PDE5A: variants seen among roughly 807,000 people sequenced by gnomAD.
PDE5A encodes the protein phosphodiesterase 5A, also known as cGMP-specific 3',5'-cyclic phosphodiesterase.
In PDE5A, 67 loss-of-function variants were observed where a neutral mutation model predicts 110.2. The ratio of observed to expected loss-of-function variants is 0.61; its 90% confidence interval spans 0.50 to 0.75. The LOEUF (loss-of-function observed/expected upper bound fraction) is 0.75. Ranked by LOEUF, PDE5A falls within the 30% of genes least tolerant of loss-of-function variation. The probability of loss-of-function intolerance (pLI) is 0.00; values close to 1 mark genes in which losing one functional copy is unlikely to be tolerated. For missense variants in PDE5A, 862 were observed against 1,045.1 expected (o/e 0.82, Z 2.42); for synonymous variants, 328 against 351.2 (o/e 0.93, Z 0.74).
chr4:119,628,510 CTCT>C lies in PDE5A; in HGVS notation c.152+7_152+9del. On this transcript the variant is annotated splice_region_variant and intron_variant, in intron 1 of 20. Coordinates refer to ENST00000354960, the MANE Select transcript of PDE5A (RefSeq NM_001083.4). The stretch of plus-strand genomic sequence containing the variant: ...ATCAGCCCCGGGTCTTCCGTGGGTC[CTCT>C]TCTTACCTGGTGGCTTTTCTAACAA... The C allele has an allele frequency of 6.4e-7, 1 of 1,556,968 alleles. No homozygotes were observed. Among genetic ancestry groups the C allele is most frequent in the South Asian group, 1.2e-5 (1 of 82,234 alleles).
At chr4:119,511,232 C>A in intron 14 of PDE5A, 98 bp from the exon 15 acceptor site, 3 of 669,290 alleles carry the variant, frequency 4.5e-6, no homozygotes, top group Non-Finnish European at 7.8e-6. Flanking sequence ...AAAGAGGCTA[C>A]TTCACAAAAT....
chr4:119,613,859 T>C (rs1030131370), intron 1 of PDE5A, among the ~76,000 whole-genome samples: 9 of 152,098 alleles, frequency 5.9e-5, no homozygotes, highest in Non-Finnish European at 1.3e-4. Flanking sequence ...ACACCCATTC[T>C]ACTATTTGGT....
chr4:119,607,013 C>T lies in PDE5A; in HGVS notation c.437G>A (p.Gly146Glu). 6.2e-7 allele frequency: 1 copy of T among 1,614,168 alleles called. No homozygotes were observed. Among genetic ancestry groups the T allele is most frequent in the Non-Finnish European group, 8.5e-7 (1 of 1,180,036 alleles). ...TTCCAAGAGTCTTGAGCACTGGTCC[C>T]CTTCATCATGATCAAACCTTGGAGG... is the stretch of plus-strand genomic sequence containing the variant. ...LTPPRFDHDE[G>E]DQCSRLLELV... Residue 146 changes from glycine (G) to glutamate (E), a missense_variant, in exon 2 of 21, where the codon GGG becomes GAG. Transcript: ENST00000354960.
At chr4:119,500,585 G>A (rs1049570012) in intron 20 of PDE5A, among the ~76,000 whole-genome samples, 4 of 151,780 alleles carry the variant, frequency 2.6e-5, no homozygotes, top group Admixed American at 1.3e-4. Context: ...AAACATTTCC[G>A]TTTAAACCTT....
At chr4:119,616,924 TA>T (rs1426838113) in intron 1 of PDE5A, among the ~76,000 whole-genome samples, 1 of 152,170 alleles carries the variant, frequency 6.6e-6, no homozygotes, top group Non-Finnish European at 1.5e-5. Context: ...GTGGCACTCT[TA>T]AAATGATGGA....
rs769301807 is a variant in PDE5A, at chr4:119,628,584, C to T, written c.88G>A (p.Val30Ile). 2 of 1,613,108 alleles carry T rather than the reference C, an allele frequency of 1.2e-6. No individual in the cohort carries two copies. Among genetic ancestry groups the T allele is most frequent in the Admixed American group, 3.3e-5 (2 of 59,928 alleles). ...CAGTGATCGTCCAGCCATGCTTCGA[C>T]CGAGTCCTGATCCCTCTGCTGCTGC... ...QKQQQRDQDS[V>I]EAWLDDHWDF... The change falls in exon 1 of 21, where the codon GTC becomes ATC. Residue 30 changes from valine (V) to isoleucine (I), a missense_variant. Transcript: ENST00000354960.
chr4:119,615,963 A>G (rs1180665380), intron 1 of PDE5A, among the ~76,000 whole-genome samples: 1 of 152,176 alleles, frequency 6.6e-6, no homozygotes, highest in Non-Finnish European at 1.5e-5. Context: ...TAAGAGCCTG[A>G]GTTTTACATC....
At chr4:119,572,944 C>T (rs2110513865) in intron 3 of PDE5A, among the ~76,000 whole-genome samples, 1 of 152,272 alleles carries the variant, frequency 6.6e-6, no homozygotes, top group South Asian at 2.1e-4. Flanking sequence ...CAACCTTCTT[C>T]ATTATACTGT....
At chr4:119,531,596 T>G (rs1364758847) in intron 11 of PDE5A, among the ~76,000 whole-genome samples, 3 of 152,048 alleles carry the variant, frequency 2.0e-5, no homozygotes, top group Non-Finnish European at 4.4e-5. Context: ...AGTGTATAAT[T>G]TTTTGAGTGC....
At chr4:119,612,200 T>C (rs752127978) in intron 1 of PDE5A, among the ~76,000 whole-genome samples, 2 of 152,144 alleles carry the variant, frequency 1.3e-5, no homozygotes, top group Non-Finnish European at 2.9e-5. Flanking sequence ...GTGCCTGATG[T>C]AGTTTGGATG....
chr4:119,584,285 G>A (rs1001439503), intron 3 of PDE5A, among the ~76,000 whole-genome samples: 2 of 152,170 alleles, frequency 1.3e-5, no homozygotes, highest in African/African-American at 4.8e-5. Context: ...GAAAGGATTA[G>A]TCTGTAAAAC....
intron 3 of PDE5A, 33 bp from the exon 4 acceptor site, chr4:119,567,177 T>A (rs202238671): frequency 2.0e-6 from 3 of 1,476,958 alleles, no homozygotes; most frequent in Non-Finnish European, 2.8e-6. Flanking sequence ...ACAATTTTTT[T>A]ATTGACTGAA....
rs148723262 is a variant in PDE5A at position 119,593,580 on chromosome 4, A to C, written c.831+2943T>G. Among the ~76,000 whole-genome samples, 18 of 152,330 alleles carry C rather than the reference A, an allele frequency of 1.2e-4. No homozygotes were observed. The East Asian group carries it at 3.5e-3, about 29-fold the overall frequency. ...CAGTGCTTGTCAGGAGCTGTGGGTT[A>C]AGGGAGGAGGAGATCAACTATGAAG... On this transcript the variant is annotated intron_variant, in intron 3 of 20. Coordinates refer to ENST00000354960, the MANE Select transcript of PDE5A (RefSeq NM_001083.4).
At chr4:119,599,183 C>T (rs1052056278) in intron 2 of PDE5A, among the ~76,000 whole-genome samples, 12 of 152,106 alleles carry the variant, frequency 7.9e-5, no homozygotes, top group African/African-American at 2.9e-4. Context: ...AAGAATCTGC[C>T]AGTAATTTTA....
intron 12 of PDE5A, among the ~76,000 whole-genome samples, chr4:119,524,675 G>A (rs1726245155): frequency 6.6e-6 from 1 of 152,062 alleles, no homozygotes; most frequent in Non-Finnish European, 1.5e-5. Flanking sequence ...GCTAAATAGT[G>A]GAGGCCTTCA....
chr4:119,612,868 C>CAAT (rs1729806882), intron 1 of PDE5A, among the ~76,000 whole-genome samples: 1 of 152,184 alleles, frequency 6.6e-6, no homozygotes, highest in African/African-American at 2.4e-5. Flanking sequence ...ATTTTCTAGA[C>CAAT]ATAGACTAAA....
intron 2 of PDE5A, among the ~76,000 whole-genome samples, chr4:119,604,912 C>T (rs1353103030): frequency 6.6e-6 from 1 of 152,042 alleles, no homozygotes; most frequent in East Asian, 1.9e-4. Context: ...CATCCGAAAT[C>T]CATTCCCTCC....
chr4:119,507,030 G>T (rs1324823384), intron 16 of PDE5A, among the ~76,000 whole-genome samples: 2 of 151,856 alleles, frequency 1.3e-5, no homozygotes, highest in Non-Finnish European at 2.9e-5. Context: ...TCAAATGCAG[G>T]AAAGTATTTT....
Position 119,525,757 on chromosome 4 carries a change from G to T in PDE5A, c.1633-62C>A. The T allele has an allele frequency of 2.0e-6, 3 of 1,498,392 alleles. No individual in the cohort carries two copies. The highest frequency in any genetic ancestry group is 2.1e-5 in the Admixed American group (1 of 48,240). 92.8% of individuals were successfully genotyped at this position (1,498,392 alleles called of 1,614,324 possible). A position where few individuals can be genotyped will look rare whatever the true frequency, so the allele number is the denominator to read the frequency against. On this transcript the variant is annotated intron_variant, in intron 11 of 20. Transcript: ENST00000354960. The surrounding 1 kb of genome is among the most constrained non-coding windows in gnomAD (Gnocchi z 4.3). ...AATTAAAGCAGCAGTGATTTGCAAG[G>T]TTTTCTTGTTTTGCTGCAGAGAAAT...
Sources: allele counts gnomAD v4.1 joint callset (sites outside exome capture counted in the v4.1 genomes callset), GRCh38; gene constraint gnomAD v4.1.1; non-coding constraint Gnocchi (gnomAD v3.1); transcripts MANE v1.5; gene names NCBI Gene and HGNC (gene_info 2026-07-23, HGNC 2026-07-21).